The following EVA1A variants were observed in gnomAD, a reference collection of about 807,000 sequenced individuals.
The protein encoded by EVA1A is protein eva-1 homolog A.
EVA1A carries 7 observed loss-of-function variants against 9.8 expected under a neutral mutation model. The observed-to-expected ratio is 0.71, with a 90% CI of 0.41 to 1.34. The LOEUF is 1.34. Among genes scored for constraint, EVA1A ranks in the 40% most tolerant of loss-of-function variants. The pLI is 0.01. For missense variants in EVA1A, 206 were observed against 205.9 expected (o/e 1.00, Z 0.00); for synonymous variants, 90 against 85.6 (o/e 1.05, Z -0.28).
intron 1 of EVA1A, among the ~76,000 whole-genome samples, chr2:75,536,613 A>G (rs1392255152): frequency 6.6e-6 from 1 of 152,236 alleles, no homozygotes; most frequent in Non-Finnish European, 1.5e-5. Flanking sequence ...GAAACAAAAC[A>G]GTAGATATCA....
At chr2:75,532,828 G>A (rs1157171376) in intron 1 of EVA1A, among the ~76,000 whole-genome samples, 1 of 152,200 alleles carries the variant, frequency 6.6e-6, no homozygotes, top group Non-Finnish European at 1.5e-5. Context: ...AAGACACACT[G>A]TAATTAAACT....
At chr2:75,513,882 C>T (rs1190046399) in intron 3 of EVA1A, among the ~76,000 whole-genome samples, 1 of 152,152 alleles carries the variant, frequency 6.6e-6, no homozygotes, top group African/African-American at 2.4e-5. Context: ...AAGATAACGT[C>T]TATGTGTTTA....
At chr2:75,567,925 C>T (rs1041184700) in intron 1 of EVA1A, among the ~76,000 whole-genome samples, 3 of 152,200 alleles carry the variant, frequency 2.0e-5, no homozygotes, top group Non-Finnish European at 4.4e-5. Flanking sequence ...GGCTGATTCA[C>T]TTGCTTCATT....
At chr2:75,543,678 T>C (rs1177209910) in intron 1 of EVA1A, among the ~76,000 whole-genome samples, 4 of 152,134 alleles carry the variant, frequency 2.6e-5, no homozygotes, top group African/African-American at 4.8e-5. Flanking sequence ...GGGCGGCTTC[T>C]ACCTGAGACC....
intron 3 of EVA1A, among the ~76,000 whole-genome samples, chr2:75,504,240 G>A (rs1385579010): frequency 6.6e-6 from 1 of 152,050 alleles, no homozygotes; most frequent in Non-Finnish European, 1.5e-5. Flanking sequence ...GTGAAACCCT[G>A]TCTCTACTAA....
At chr2:75,507,333 T>C (rs1399281790) in intron 3 of EVA1A, among the ~76,000 whole-genome samples, 2 of 152,204 alleles carry the variant, frequency 1.3e-5, no homozygotes, top group African/African-American at 4.8e-5. Context: ...AAGGTTGTGC[T>C]GATATAAATG....
At chr2:75,518,641 C>T (rs780819398) in intron 2 of EVA1A, 94 of 988,030 alleles carry the variant, frequency 9.5e-5, no homozygotes, top group Non-Finnish European at 1.1e-4. Context: ...TCCCCCTTAC[C>T]ACTTCTGGAA....
chr2:75,528,215 TA>T (rs1385904328), intron 1 of EVA1A, among the ~76,000 whole-genome samples: 4 of 152,144 alleles, frequency 2.6e-5, no homozygotes, highest in Non-Finnish European at 5.9e-5. Context: ...CTGAACTTTG[TA>T]ATAATTTTGA....
At chr2:75,565,798 C>G (rs1481395949), upstream of EVA1A, among the ~76,000 whole-genome samples, 1 of 152,176 alleles carries the variant, frequency 6.6e-6, no homozygotes, top group African/African-American at 2.4e-5. Context: ...GACAGAGACA[C>G]CAATGTGTCA....
At chr2:75,546,725 C>T (rs1341339202) in intron 1 of EVA1A, among the ~76,000 whole-genome samples, 2 of 152,056 alleles carry the variant, frequency 1.3e-5, no homozygotes, top group East Asian at 3.9e-4. Context: ...TAACTTCCAA[C>T]ACCTCAAAAT....
intron 1 of EVA1A, among the ~76,000 whole-genome samples, chr2:75,553,672 C>T (rs1406144979): frequency 1.3e-5 from 2 of 152,160 alleles, no homozygotes; most frequent in African/African-American, 4.8e-5. Flanking sequence ...TCATGTGTGT[C>T]TTTTTCAGAC....
chr2:75,512,284 T>A (rs1024250167), intron 3 of EVA1A, among the ~76,000 whole-genome samples: 3 of 152,118 alleles, frequency 2.0e-5, no homozygotes, highest in African/African-American at 7.2e-5. Context: ...ATGAGTTCCT[T>A]ACAAACAATT....
intron 3 of EVA1A, among the ~76,000 whole-genome samples, chr2:75,516,671 T>A (rs149582097): frequency 6.6e-6 from 1 of 152,336 alleles, no homozygotes; most frequent in East Asian, 1.9e-4. Flanking sequence ...TGCTGTTTGC[T>A]CTCATGCGAG....
intron 3 of EVA1A, among the ~76,000 whole-genome samples, chr2:75,514,866 T>C (rs1674949857): frequency 6.6e-6 from 1 of 152,224 alleles, no homozygotes; most frequent in African/African-American, 2.4e-5. Context: ...TTAAGGGCTT[T>C]GATGGATATT....
upstream of EVA1A, among the ~76,000 whole-genome samples, chr2:75,561,846 G>A (rs1300478824): frequency 1.3e-5 from 2 of 152,184 alleles, no homozygotes; most frequent in Non-Finnish European, 2.9e-5. Flanking sequence ...GGAGCTCCTA[G>A]AAGCAGTGTG....
chr2:75,517,339 C>T (rs1675049406), intron 3 of EVA1A, among the ~76,000 whole-genome samples: 1 of 151,986 alleles, frequency 6.6e-6, no homozygotes. Context: ...TCAGGCAAAA[C>T]AAAACAAAAC....
chr2:75,553,233 C>G (rs949402823), intron 1 of EVA1A, among the ~76,000 whole-genome samples: 2 of 152,190 alleles, frequency 1.3e-5, no homozygotes, highest in Non-Finnish European at 2.9e-5. Context: ...GACTCACCTG[C>G]TCTCCAAGCT....
intron 1 of EVA1A, among the ~76,000 whole-genome samples, chr2:75,543,085 C>A (rs1318886510): frequency 6.6e-6 from 1 of 152,176 alleles, no homozygotes; most frequent in African/African-American, 2.4e-5. Context: ...GTCACAACAT[C>A]CATACCACAC....
intron 1 of EVA1A, among the ~76,000 whole-genome samples, chr2:75,530,975 G>C (rs1675625344): frequency 1.3e-5 from 2 of 152,160 alleles, no homozygotes; most frequent in Admixed American, 6.5e-5. Flanking sequence ...ACTGTTTGAT[G>C]ATGATGTTAT....
Sources: gnomAD v4.1 joint callset for allele counts (sites outside exome capture counted in the v4.1 genomes callset) on GRCh38, gnomAD v4.1.1 for gene constraint, MANE v1.5 for transcripts, NCBI Gene and HGNC (gene_info 2026-07-23, HGNC 2026-07-21) for gene names.